The following CCDC141 variants were observed in gnomAD, a reference collection of about 807,000 sequenced individuals.
CCDC141 encodes the protein coiled-coil domain-containing protein 141.
A neutral mutation model predicts 181.0 loss-of-function variants in CCDC141; 168 were observed. That is an observed-to-expected ratio of 0.93 (90% confidence interval 0.82 to 1.05). The LOEUF (loss-of-function observed/expected upper bound fraction) is 1.05, where lower values mean the gene tolerates loss of function less well. Ranked by LOEUF, CCDC141 falls within the 50% of genes least tolerant of loss-of-function variation. The probability of loss-of-function intolerance (pLI) is 0.00; values close to 1 mark genes in which losing one functional copy is unlikely to be tolerated. For synonymous variants in CCDC141, 666 were observed against 642.3 expected (o/e 1.04, Z -0.56); for missense variants, 1,902 against 1,788.5 (o/e 1.06, Z -1.14).
chr2:179,008,534 G>A (rs910748319), intron 2 of CCDC141, among the ~76,000 whole-genome samples: 8 of 152,282 alleles, frequency 5.3e-5, no homozygotes, highest in South Asian at 2.1e-4. Flanking sequence ...CTACCTGGGG[G>A]AAATTTTGGA....
In CCDC141 at chr2:179,030,751, G is replaced by A. The variant is rs548879978; in HGVS notation, c.225+16533C>T. Reference sequence around the variant, plus strand: ...CCTATTTTTGAAAATATGACATTAGGAAAAATATTCCTACTCATCCTATGA... The same window carrying A: ...CCTATTTTTGAAAATATGACATTAGAAAAAATATTCCTACTCATCCTATGA... On this transcript the variant is annotated intron_variant, in intron 2 of 23. Coordinates refer to ENST00000443758, the MANE Select transcript of CCDC141 (RefSeq NM_173648.4). Among the ~76,000 whole-genome samples, 103 of 151,986 alleles carry A rather than the reference G, an allele frequency of 6.8e-4. 1 individual carries two copies. The highest frequency in any genetic ancestry group is 2.1e-3 in the South Asian group (10 of 4,820).
At chr2:178,958,571 C>T (rs111434907) in intron 5 of CCDC141, among the ~76,000 whole-genome samples, 5 of 152,270 alleles carry the variant, frequency 3.3e-5, no homozygotes, top group African/African-American at 1.2e-4. Flanking sequence ...AGTCAGAAAC[C>T]TTCTGCTATA....
At chr2:178,835,110 G>A (rs1329957457) in intron 23 of CCDC141, among the ~76,000 whole-genome samples, 6 of 152,068 alleles carry the variant, frequency 3.9e-5, no homozygotes, top group African/African-American at 1.4e-4. Flanking sequence ...ATGTTGTCCA[G>A]CTTTATTCTT....
chr2:178,829,376 G>T (rs903534250), downstream of CCDC141, among the ~76,000 whole-genome samples: 1 of 152,174 alleles, frequency 6.6e-6, no homozygotes, highest in Non-Finnish European at 1.5e-5. Flanking sequence ...CAGGCCAAAT[G>T]CTCAAACTCT....
At chr2:178,987,281 C>G (rs1231365044) in intron 2 of CCDC141, among the ~76,000 whole-genome samples, 1 of 152,012 alleles carries the variant, frequency 6.6e-6, no homozygotes, top group Non-Finnish European at 1.5e-5. Flanking sequence ...AAAGCTGAAC[C>G]TGGATCCCTT....
At chr2:178,815,928 C>A in the CCDC141 span, among the ~76,000 whole-genome samples, 1 of 152,006 alleles carries the variant, frequency 6.6e-6, no homozygotes, top group Admixed American at 6.6e-5. Context: ...AGTTGAGTAA[C>A]AACTGTTGTA....
chr2:178,853,480 TTTC>T lies in CCDC141; in HGVS notation c.3202_3204del (p.Glu1068del), dbSNP rs774649626. 1.2e-6 allele frequency: 2 copies of T among 1,614,122 alleles called. No homozygotes were observed. Among genetic ancestry groups the T allele is most frequent in the South Asian group, 2.2e-5 (2 of 91,078 alleles). On this transcript the variant is annotated inframe_deletion, in exon 20 of 24. Coordinates refer to ENST00000443758, the MANE Select transcript of CCDC141 (RefSeq NM_173648.4). ...GCAAGGTCAGTGGCCTCCTGAATCC[TTTC>T]TTCTTGCTGCGGCACTGAGGGTGCA...
At chr2:178,822,165 C>A in the CCDC141 span, among the ~76,000 whole-genome samples, 1 of 151,650 alleles carries the variant, frequency 6.6e-6, no homozygotes, top group South Asian at 2.1e-4. Flanking sequence ...GGACAAAAAA[C>A]CAAACACCGC....
downstream of CCDC141, among the ~76,000 whole-genome samples, chr2:178,827,573 G>C (rs1684144605): frequency 6.6e-6 from 1 of 152,096 alleles, no homozygotes; most frequent in African/African-American, 2.4e-5. Flanking sequence ...TGCACTTAGG[G>C]GGTGATGTTC....
chr2:178,981,224 G>T (rs896609556), intron 2 of CCDC141, among the ~76,000 whole-genome samples: 2 of 152,056 alleles, frequency 1.3e-5, no homozygotes, highest in Admixed American at 6.6e-5. Context: ...TAGATGAACT[G>T]AACAGCACTA....
chr2:178,983,902 T>A (rs1691572766), intron 2 of CCDC141, among the ~76,000 whole-genome samples: 1 of 150,202 alleles, frequency 6.7e-6, no homozygotes, highest in South Asian at 2.1e-4. Context: ...CAGGATATTA[T>A]CCAGGAGAAT....
rs771781349 is a variant in CCDC141 at position 178,831,845 on chromosome 2, T to C, written c.*2328A>G. ...ATATCAGCATAGTACTCTTCTGATC[T>C]TTGTGCTCCCCCACCCCCACCTTTC... On this transcript the variant is annotated 3_prime_UTR_variant, in exon 24 of 24. Coordinates refer to ENST00000443758, the MANE Select transcript of CCDC141 (RefSeq NM_173648.4). The C allele has an allele frequency of 2.6e-5, 4 of 152,320 alleles. No individual in the cohort carries two copies. The highest frequency in any genetic ancestry group is 5.9e-5 in the Non-Finnish European group (4 of 68,150). The allele number at this position is 152,320 out of a possible 1,614,324, so 9.4% of individuals were successfully genotyped here. A position where few individuals can be genotyped will look rare whatever the true frequency, so the allele number is the denominator to read the frequency against.
At chr2:178,942,720 G>C (rs115212718) in intron 6 of CCDC141, among the ~76,000 whole-genome samples, 1,919 of 152,208 alleles carry the variant, frequency 0.013, 43 homozygotes, top group African/African-American at 0.043. Flanking sequence ...CCACTCTGAT[G>C]GGGATGTTGA....
chr2:178,866,717 T>TTTTTG (rs1383807550), intron 16 of CCDC141, among the ~76,000 whole-genome samples: 2 of 152,134 alleles, frequency 1.3e-5, no homozygotes, highest in Non-Finnish European at 2.9e-5. Context: ...TGTTTCTGTT[T>TTTTTG]TTTTGTTTTG....
intron 2 of CCDC141, among the ~76,000 whole-genome samples, chr2:179,047,073 T>C (rs1464654286): frequency 6.6e-6 from 1 of 152,196 alleles, no homozygotes; most frequent in Non-Finnish European, 1.5e-5. Context: ...TATCCTTCCA[T>C]AGTTTCTATC....
At chr2:178,824,942 G>A (rs1684099029), downstream of CCDC141, among the ~76,000 whole-genome samples, 1 of 152,162 alleles carries the variant, frequency 6.6e-6, no homozygotes, top group Admixed American at 6.5e-5. Flanking sequence ...CTTGGCTTTT[G>A]TGGTACATCA....
At position 178,888,608 on chromosome 2, in the gene CCDC141, C is replaced by G. The variant is rs968929483; in HGVS notation, c.1326G>C (p.Leu442=). 3 of 1,550,732 alleles carry G rather than the reference C, an allele frequency of 1.9e-6. No individual in the cohort carries two copies. Among genetic ancestry groups the G allele is most frequent in the South Asian group, 1.2e-5 (1 of 84,046 alleles). Residue 442 remains leucine, a synonymous_variant, in exon 9 of 24, where the codon CTG becomes CTC. Transcript: ENST00000443758. ...CCTTGTGCGCTGAACACTGTTCGGT[C>G]AGATGATCCACTCGTCTCTTAATGC... The part of the protein sequence containing the change: ...MGCIKRRVDH[L]TEQCSAHKEY...
intron 8 of CCDC141, among the ~76,000 whole-genome samples, chr2:178,898,340 G>A (rs1332845659): frequency 6.6e-6 from 1 of 152,126 alleles, no homozygotes; most frequent in African/African-American, 2.4e-5. Flanking sequence ...CTGACCAGAT[G>A]TGGCCACCCA....
Position 178,834,404 on chromosome 2 carries a change from G to T in CCDC141, c.4362C>A (p.His1454Gln), listed in dbSNP as rs1372453156. ...TTGTCTCCTTGTGTAAAACCTGTAA[G>T]TGCCCATCTGCAGACAATTTCTGGC... ...KKGQKLSADG[H>Q]LQVLHKETRH... Residue 1454 changes from histidine (H) to glutamine (Q), a missense_variant, in exon 24 of 24, where the codon CAC (histidine) becomes CAA (glutamine). By Grantham distance (24) the His-to-Gln change is conservative. Transcript: ENST00000443758. The T allele has an allele frequency of 6.5e-7, 1 of 1,536,414 alleles. No homozygotes were observed. Among genetic ancestry groups the T allele is most frequent in the East Asian group, 2.4e-5 (1 of 40,914 alleles).
Sources: allele counts gnomAD v4.1 joint callset (sites outside exome capture counted in the v4.1 genomes callset), GRCh38; gene constraint gnomAD v4.1.1; transcripts MANE v1.5; gene names NCBI Gene and HGNC (gene_info 2026-07-23, HGNC 2026-07-21).